The following HIVEP3 variants were observed in gnomAD, a reference collection of about 807,000 sequenced individuals.
HIVEP3 encodes transcription factor HIVEP3.
HIVEP3 carries 49 observed loss-of-function variants against 152.8 expected under a neutral mutation model. That is an observed-to-expected ratio of 0.32 (90% CI 0.26 to 0.41). The LOEUF (loss-of-function observed/expected upper bound fraction) is 0.41. Ranked by LOEUF, HIVEP3 falls within the 10% of genes least tolerant of loss-of-function variation. The probability of loss-of-function intolerance (pLI) is 1.00; values close to 1 mark genes in which losing one functional copy is unlikely to be tolerated. For missense variants in HIVEP3, 2,790 were observed against 3,103.3 expected (o/e 0.90, Z 2.40); for synonymous variants, 1,269 against 1,289.0 (o/e 0.98, Z 0.33).
chr1:41,627,180 C>A (rs1040385211), intron 3 of HIVEP3, among the ~76,000 whole-genome samples: 5 of 152,206 alleles, frequency 3.3e-5, no homozygotes, highest in Non-Finnish European at 7.3e-5. Context: ...CCCACACACG[C>A]CAGAAGGGTG....
chr1:41,788,009 A>C (rs2813898), intron 1 of HIVEP3, among the ~76,000 whole-genome samples: 33,484 of 152,024 alleles, frequency 0.22, 9,087 homozygotes, highest in African/African-American at 0.64. Context: ...AAAGGGATTT[A>C]ATGTGACTTT....
intron 1 of HIVEP3, among the ~76,000 whole-genome samples, chr1:41,776,660 G>A (rs772373921): frequency 6.6e-6 from 1 of 152,230 alleles, no homozygotes; most frequent in African/African-American, 2.4e-5. Context: ...CTTCAGGGGT[G>A]GGGGTATGAG....
chr1:41,879,459 C>T (rs915587926), intron 1 of HIVEP3, among the ~76,000 whole-genome samples: 4 of 152,208 alleles, frequency 2.6e-5, no homozygotes, highest in African/African-American at 9.7e-5. Flanking sequence ...TTTTGAATGA[C>T]CTTCTCTTCC....
chr1:41,633,081 C>T (rs977494162), intron 2 of HIVEP3, among the ~76,000 whole-genome samples: 4 of 152,236 alleles, frequency 2.6e-5, no homozygotes, highest in South Asian at 2.1e-4. Context: ...TGTCCCCAGT[C>T]TCCCCCTCCG....
rs770930222 is a variant in HIVEP3, at chr1:41,506,568, GC to G, written c.*3882del. ...TTTCCTTTTGTACGTCAGACTCTGT[GC>G]TTTAGACCTGCGTGGATTTTTGTTT... On this transcript the variant is annotated 3_prime_UTR_variant, in exon 9 of 9. Transcript: ENST00000372583. The G allele has an allele frequency of 8.6e-5, 13 of 150,892 alleles. No homozygotes were observed. The highest frequency in any genetic ancestry group is 1.6e-4 in the Non-Finnish European group (11 of 67,876). 9.3% of individuals were successfully genotyped at this position (150,892 alleles called of 1,614,324 possible).
At chr1:41,572,737 A>G (rs555970683) in intron 5 of HIVEP3, among the ~76,000 whole-genome samples, 1 of 152,406 alleles carries the variant, frequency 6.6e-6, no homozygotes, top group East Asian at 1.9e-4. Context: ...AAGTTTAATT[A>G]GAGATTAAAA....
intron 1 of HIVEP3, among the ~76,000 whole-genome samples, chr1:41,854,569 A>G (rs1570673662): frequency 8.5e-6 from 1 of 117,254 alleles, no homozygotes; most frequent in Non-Finnish European, 1.7e-5. Context: ...ACATGTGCAC[A>G]TTGTGCAGGT....
intron 1 of HIVEP3, among the ~76,000 whole-genome samples, chr1:41,929,724 T>TATATATATATATATA (rs1644986317): frequency 1.3e-4 from 4 of 30,592 alleles, no homozygotes; most frequent in Admixed American, 4.0e-4. Context: ...GTATATGTGT[T>TATATATATATATATA]TTTATATATA....
chr1:41,799,760 T>G (rs1185845311), intron 1 of HIVEP3, among the ~76,000 whole-genome samples: 4 of 152,096 alleles, frequency 2.6e-5, no homozygotes, highest in Non-Finnish European at 4.4e-5. Flanking sequence ...TAAAACACTT[T>G]TAGTCCAAAA....
chr1:41,947,449 T>C (rs1645081744), intron 1 of HIVEP3, among the ~76,000 whole-genome samples: 1 of 152,210 alleles, frequency 6.6e-6, no homozygotes, highest in African/African-American at 2.4e-5. Flanking sequence ...CCCAAAACCC[T>C]AAAGCAACTA....
intron 7 of HIVEP3, among the ~76,000 whole-genome samples, chr1:41,514,147 C>G (rs952236277): frequency 1.3e-5 from 2 of 151,662 alleles, no homozygotes; most frequent in African/African-American, 4.9e-5. Context: ...AGAAGACAGT[C>G]TTTGTTTGTT....
chr1:41,935,828 A>G (rs72949473), intron 1 of HIVEP3, among the ~76,000 whole-genome samples: 5,776 of 150,666 alleles, frequency 0.038, 360 homozygotes, highest in African/African-American at 0.13. Context: ...GATTTCTACC[A>G]TCTCTAATGA....
At chr1:41,797,133 T>C (rs2124306910) in intron 1 of HIVEP3, among the ~76,000 whole-genome samples, 1 of 152,348 alleles carries the variant, frequency 6.6e-6, no homozygotes, top group East Asian at 1.9e-4. Flanking sequence ...TGCAGAAATG[T>C]GGAGTGTCCA....
At chr1:41,992,592 C>T (rs1645369620) in intron 1 of HIVEP3, among the ~76,000 whole-genome samples, 1 of 147,098 alleles carries the variant, frequency 6.8e-6, no homozygotes, top group Non-Finnish European at 1.5e-5. Context: ...TTTACAGATT[C>T]AATGCCATCC....
intron 2 of HIVEP3, among the ~76,000 whole-genome samples, chr1:41,693,323 G>C (rs1646224230): frequency 6.6e-6 from 1 of 152,318 alleles, no homozygotes; most frequent in South Asian, 2.1e-4. Flanking sequence ...CAGTGTTCCT[G>C]TTTCTCATTC....
chr1:41,872,226 G>A (rs1034687677), intron 1 of HIVEP3, among the ~76,000 whole-genome samples: 1 of 152,202 alleles, frequency 6.6e-6, no homozygotes, highest in Non-Finnish European at 1.5e-5. Context: ...GCCATGTGGT[G>A]GAAGAAGATT....
intron 2 of HIVEP3, among the ~76,000 whole-genome samples, chr1:41,656,545 C>A (rs776396320): frequency 1.3e-5 from 2 of 152,176 alleles, no homozygotes; most frequent in Non-Finnish European, 1.5e-5. Flanking sequence ...GTCTGCCCAC[C>A]CCTGACCATT....
In HIVEP3 at chr1:41,870,792, G is replaced by C. The variant is rs531109561; in HGVS notation, c.-801+47621C>G. On this transcript the variant is annotated intron_variant, in intron 1 of 8. Transcript: ENST00000372583. ...TCCTGGGACTGGCAGAAGCAGCATA[G>C]GGTCATCGCTGAGGGGAGTGTGGAT... Among the ~76,000 whole-genome samples the C allele has an allele frequency of 5.3e-5, 8 of 152,360 alleles. No homozygotes were observed. In the South Asian group the frequency reaches 1.7e-3, roughly 32 times the overall value.
In HIVEP3 at chr1:41,988,167, G is replaced by T. The variant is rs191806326; in HGVS notation, n.119+47640C>A. Among the ~76,000 whole-genome samples, 9 of 152,286 alleles carry T rather than the reference G, an allele frequency of 5.9e-5. No homozygotes were observed. In the East Asian group the frequency reaches 1.3e-3, roughly 23 times the overall value. Reference sequence around the variant, plus strand: ...AAAGGAGAAAAGCTTCTTGACACTGGATTTGGTAAAGATTTCTTGGATATG... The same window carrying T: ...AAAGGAGAAAAGCTTCTTGACACTGTATTTGGTAAAGATTTCTTGGATATG... On this transcript the variant is annotated intron_variant and non_coding_transcript_variant, in intron 1 of 3. Coordinates refer to the HIVEP3 transcript ENST00000489103.
Sources: gnomAD v4.1 joint callset for allele counts (sites outside exome capture counted in the v4.1 genomes callset) on GRCh38, gnomAD v4.1.1 for gene constraint, MANE v1.5 for transcripts, NCBI Gene and HGNC (gene_info 2026-07-23, HGNC 2026-07-21) for gene names.